Variants in SGCZ observed in about 807,000 individuals in gnomAD.
SGCZ encodes zeta-sarcoglycan.
In SGCZ, 40 loss-of-function variants were observed where a neutral mutation model predicts 41.3. The observed-to-expected ratio is 0.97, with a 90% CI of 0.75 to 1.26. The LOEUF (loss-of-function observed/expected upper bound fraction) is 1.26. Among genes scored for constraint, SGCZ ranks in the 50% most tolerant of loss-of-function variants. The pLI is 0.00. For synonymous variants in SGCZ, 206 were observed against 137.5 expected, an observed-to-expected ratio of 1.50 and a Z score of -3.49; for missense variants, 552 against 369.8, an observed-to-expected ratio of 1.49 and a Z score of -4.04.
chr8:14,224,610 A>G (rs1002218155), intron 4 of SGCZ, among the ~76,000 whole-genome samples: 1 of 152,198 alleles, frequency 6.6e-6, no homozygotes, highest in Non-Finnish European at 1.5e-5. Flanking sequence ...TACGTTGGCT[A>G]CGCAGAAAGA....
intron 1 of SGCZ, among the ~76,000 whole-genome samples, chr8:14,845,868 A>G (rs977780494): frequency 7.2e-5 from 11 of 152,308 alleles, no homozygotes; most frequent in African/African-American, 2.6e-4. Context: ...GAAAGCTAAC[A>G]TGAATCAAAA....
At position 14,912,456 on chromosome 8, in the gene SGCZ, T is replaced by C. The variant is rs184846952; in HGVS notation, c.39+325129A>G. 5.9e-5 allele frequency among the ~76,000 whole-genome samples: 9 copies of C among 152,200 alleles called. No homozygotes were observed. In the East Asian group the frequency reaches 1.5e-3, roughly 26 times the overall value. On this transcript the variant is annotated intron_variant, in intron 1 of 7. Transcript: ENST00000382080. ...TTACTTTATACTACATGTTGAGAAC[T>C]ATACATATTTAGAATAAAGATTATT...
intron 3 of SGCZ, among the ~76,000 whole-genome samples, chr8:14,253,265 TG>T (rs1457229392): frequency 6.6e-6 from 1 of 151,754 alleles, no homozygotes; most frequent in Admixed American, 6.6e-5. Flanking sequence ...TGTGTGTGTG[TG>T]TGTGTGTATC....
chr8:14,660,352 G>T (rs1218052512), intron 1 of SGCZ, among the ~76,000 whole-genome samples: 1 of 151,566 alleles, frequency 6.6e-6, no homozygotes, highest in Non-Finnish European at 1.5e-5. Flanking sequence ...TGGGTGGATC[G>T]CCTGAGGTCA....
intron 3 of SGCZ, among the ~76,000 whole-genome samples, chr8:14,318,948 A>T (rs1267849423): frequency 4.0e-5 from 6 of 151,868 alleles, no homozygotes; most frequent in Non-Finnish European, 7.4e-5. Flanking sequence ...TACAAAAAAA[A>T]ATATGAATTA....
intron 1 of SGCZ, among the ~76,000 whole-genome samples, chr8:15,132,806 C>T (rs1019713520): frequency 3.3e-5 from 5 of 152,126 alleles, no homozygotes; most frequent in African/African-American, 4.8e-5. Flanking sequence ...AGCCTGTTCA[C>T]CACCATACCA....
chr8:15,115,473 G>A (rs987031910), intron 1 of SGCZ, among the ~76,000 whole-genome samples: 1 of 152,142 alleles, frequency 6.6e-6, no homozygotes, highest in Admixed American at 6.6e-5. Flanking sequence ...AGAAACTCAA[G>A]ACAAACAAAT....
intron 3 of SGCZ, among the ~76,000 whole-genome samples, chr8:14,253,880 A>T (rs573671712): frequency 8.5e-5 from 13 of 152,254 alleles, no homozygotes; most frequent in African/African-American, 2.9e-4. Context: ...AGAAATAACC[A>T]TAGGACTTTC....
chr8:14,142,285 G>T (rs1014892123), intron 5 of SGCZ, among the ~76,000 whole-genome samples: 3 of 152,068 alleles, frequency 2.0e-5, no homozygotes, highest in Non-Finnish European at 2.9e-5. Flanking sequence ...CCTGCCCATT[G>T]TGCAGATGTA....
intron 1 of SGCZ, among the ~76,000 whole-genome samples, chr8:15,095,922 A>T (rs1186960584): frequency 6.6e-6 from 1 of 152,166 alleles, no homozygotes; most frequent in Admixed American, 6.5e-5. Flanking sequence ...CTTTTCAAGA[A>T]GCAGTTTACT....
chr8:15,073,601 C>T (rs1013123213), intron 1 of SGCZ, among the ~76,000 whole-genome samples: 19 of 152,082 alleles, frequency 1.2e-4, no homozygotes, highest in East Asian at 1.2e-3. Flanking sequence ...AACTGCTCTC[C>T]ATAATGTGGG....
intron 1 of SGCZ, among the ~76,000 whole-genome samples, chr8:14,826,522 A>G (rs1802325313): frequency 6.6e-6 from 1 of 152,102 alleles, no homozygotes; most frequent in Non-Finnish European, 1.5e-5. Flanking sequence ...GACTTCCACA[A>G]TGGTTGAACT....
chr8:14,803,740 G>A (rs976845655), intron 1 of SGCZ, among the ~76,000 whole-genome samples: 6 of 151,178 alleles, frequency 4.0e-5, no homozygotes, highest in African/African-American at 1.5e-4. Context: ...GCTCAAGGAG[G>A]CCTGCCTGCC....
intron 1 of SGCZ, among the ~76,000 whole-genome samples, chr8:15,159,014 C>A (rs574029329): frequency 1.3e-5 from 2 of 152,278 alleles, no homozygotes; most frequent in South Asian, 4.1e-4. Context: ...CAACAGATGG[C>A]TGCAATCCCT....
intron 1 of SGCZ, among the ~76,000 whole-genome samples, chr8:14,577,513 G>A (rs1030972683): frequency 1.9e-4 from 29 of 148,764 alleles, no homozygotes; most frequent in African/African-American, 4.7e-4. Context: ...CTCAGCCTCC[G>A]AGTAGCTGGG....
chr8:14,912,735 T>C (rs1045775256), intron 1 of SGCZ, among the ~76,000 whole-genome samples: 2 of 152,218 alleles, frequency 1.3e-5, no homozygotes, highest in African/African-American at 4.8e-5. Flanking sequence ...GGAAATTTGA[T>C]GCACCACTCT....
intron 1 of SGCZ, among the ~76,000 whole-genome samples, chr8:14,635,097 G>C (rs538364241): frequency 6.6e-6 from 1 of 151,412 alleles, no homozygotes; most frequent in Non-Finnish European, 1.5e-5. Flanking sequence ...TATCTTTAAG[G>C]CTCAAGTTTT....
chr8:15,039,222 A>T (rs1421630033), intron 1 of SGCZ, among the ~76,000 whole-genome samples: 1 of 152,218 alleles, frequency 6.6e-6, no homozygotes, highest in East Asian at 1.9e-4. Context: ...ATATGGAATC[A>T]GCCCAAAGTG....
chr8:14,794,072 T>G (rs1003256519), intron 1 of SGCZ, among the ~76,000 whole-genome samples: 1 of 152,126 alleles, frequency 6.6e-6, no homozygotes, highest in Non-Finnish European at 1.5e-5. Flanking sequence ...CTGTTCCTCA[T>G]TAAGAAGCCT....
Sources: allele counts gnomAD v4.1 joint callset (sites outside exome capture counted in the v4.1 genomes callset), GRCh38; gene constraint gnomAD v4.1.1; transcripts MANE v1.5; gene names NCBI Gene and HGNC (gene_info 2026-07-23, HGNC 2026-07-21).